Variants in IKBKB-DT observed in about 807,000 individuals in gnomAD.
IKBKB-DT encodes the protein IKBKB antisense RNA.
intron 3 of IKBKB-DT, among the ~76,000 whole-genome samples, chr8:42,258,737 G>C (rs1281523860): frequency 6.6e-6 from 1 of 152,106 alleles, no homozygotes; most frequent in Non-Finnish European, 1.5e-5. Flanking sequence ...CAAAGTGCTG[G>C]AATTACAGAC....
chr8:42,243,811 T>C (rs765133713), intron 3 of IKBKB-DT, among the ~76,000 whole-genome samples: 11 of 152,250 alleles, frequency 7.2e-5, no homozygotes, highest in Non-Finnish European at 1.6e-4. Context: ...AGAGTCTATG[T>C]ATTTGGATAA....
chr8:42,259,303 G>T (rs551851151), intron 3 of IKBKB-DT, among the ~76,000 whole-genome samples: 2 of 152,166 alleles, frequency 1.3e-5, no homozygotes, highest in Non-Finnish European at 2.9e-5. Flanking sequence ...GGGATTACAG[G>T]CATGAGCTAC....
chr8:42,254,937 G>A (rs1235195596), intron 3 of IKBKB-DT, among the ~76,000 whole-genome samples: 1 of 151,810 alleles, frequency 6.6e-6, no homozygotes, highest in Non-Finnish European at 1.5e-5. Context: ...TGCCCTGTCT[G>A]GGAAGTGAGG....
chr8:42,261,344 A>G (rs995128423), intron 3 of IKBKB-DT, among the ~76,000 whole-genome samples: 14 of 152,186 alleles, frequency 9.2e-5, no homozygotes, highest in Non-Finnish European at 1.9e-4. Context: ...TCCAAGAAAT[A>G]TATTTCTTTT....
At chr8:42,268,129 ATTT>A (rs541093630) in intron 1 of IKBKB-DT, among the ~76,000 whole-genome samples, 19 of 130,372 alleles carry the variant, frequency 1.5e-4, no homozygotes, top group African/African-American at 3.6e-4. Flanking sequence ...GTGCTCAATA[ATTT>A]TTTTTTTTTT....
At position 42,258,716 on chromosome 8, in the gene IKBKB-DT, C is replaced by T. The variant is rs912220312; in HGVS notation, n.1529+4613G>A. ...ATCTCCTGACCTGGTGATCCGCCCGCCTCGGCCTCCCAAAGTGCTGGAATT... is the reference window on the plus strand; with the variant it reads ...ATCTCCTGACCTGGTGATCCGCCCGTCTCGGCCTCCCAAAGTGCTGGAATT... On this transcript the variant is annotated intron_variant and non_coding_transcript_variant, in intron 3 of 3. Transcript: ENST00000518213. Among the ~76,000 whole-genome samples, 56 of 152,254 alleles carry T rather than the reference C, an allele frequency of 3.7e-4. 1 individual carries two copies. Among genetic ancestry groups the T allele is most frequent in the Middle Eastern group, 3.4e-3 (1 of 294 alleles).
chr8:42,263,810 GT>G (rs200333960), intron 2 of IKBKB-DT, among the ~76,000 whole-genome samples: 1 of 152,138 alleles, frequency 6.6e-6, no homozygotes, highest in East Asian at 1.9e-4. Context: ...ATGGAGACGC[GT>G]TTTTTTGTTT....
chr8:42,249,412 T>C (rs2129915242), intron 3 of IKBKB-DT: 1 of 147,882 alleles, frequency 6.8e-6, no homozygotes, highest in Admixed American at 6.6e-5. Context: ...TATGCATGTA[T>C]ATATATGTGT....
At position 42,268,528 on chromosome 8, in the gene IKBKB-DT, T is replaced by C. The variant is rs550715554; in HGVS notation, n.603+2123A>G. On this transcript the variant is annotated intron_variant and non_coding_transcript_variant, in intron 1 of 3. Transcript: ENST00000518213. ...TCAAGTGATCTGCCTGCCTCGGCCTTCCAAAGTGCTGAGATTACAGGGGTG... is the reference window on the plus strand; with the variant it reads ...TCAAGTGATCTGCCTGCCTCGGCCTCCCAAAGTGCTGAGATTACAGGGGTG... Among the ~76,000 whole-genome samples, 9 of 148,886 alleles carry C rather than the reference T, an allele frequency of 6.0e-5. No homozygotes were observed. In the South Asian group the frequency reaches 8.6e-4, roughly 14 times the overall value.
intron 3 of IKBKB-DT, among the ~76,000 whole-genome samples, chr8:42,243,262 C>T (rs1807025607): frequency 6.6e-6 from 1 of 152,164 alleles, no homozygotes; most frequent in African/African-American, 2.4e-5. Context: ...CATGCAGCCT[C>T]CTGGTGGGTG....
At chr8:42,238,024 C>CAAAAAAA (rs35087510) in intron 3 of IKBKB-DT, among the ~76,000 whole-genome samples, 15 of 35,254 alleles carry the variant, frequency 4.3e-4, no homozygotes, top group African/African-American at 7.1e-4. Flanking sequence ...GGCCCTCTCT[C>CAAAAAAA]AAAAAAAAAA....
Position 42,255,895 on chromosome 8 carries a change from G to A in IKBKB-DT, n.1529+7434C>T, listed in dbSNP as rs542088177. Among the ~76,000 whole-genome samples, 4 of 151,870 alleles carry A rather than the reference G, an allele frequency of 2.6e-5. No individual in the cohort carries two copies. In the East Asian group the frequency reaches 5.8e-4, roughly 22 times the overall value. On this transcript the variant is annotated intron_variant and non_coding_transcript_variant, in intron 3 of 3. Transcript: ENST00000518213. ...AAAAAAATTAGTCAGGAGTGGTGGC[G>A]GGCACCTGTAATCCCAGGTATTTGG...
chr8:42,258,796 G>A (rs896482615), intron 3 of IKBKB-DT, among the ~76,000 whole-genome samples: 4 of 151,766 alleles, frequency 2.6e-5, no homozygotes, highest in African/African-American at 4.8e-5. Context: ...CAGAAATCCC[G>A]TATCCTATTT....
intron 3 of IKBKB-DT, chr8:42,255,628 T>A (rs1398147858): frequency 6.6e-6 from 1 of 152,224 alleles, no homozygotes; most frequent in Non-Finnish European, 1.5e-5. Flanking sequence ...GATTATATGT[T>A]CATTTTCATA....
intron 3 of IKBKB-DT, among the ~76,000 whole-genome samples, chr8:42,256,165 G>A (rs545856724): frequency 5.3e-5 from 8 of 152,176 alleles, no homozygotes; most frequent in Admixed American, 3.3e-4. Context: ...TTCTGTTTAC[G>A]AAGGTATAAT....
intron 2 of IKBKB-DT, among the ~76,000 whole-genome samples, chr8:42,264,689 G>C (rs1421682622): frequency 6.6e-6 from 1 of 151,856 alleles, no homozygotes; most frequent in Non-Finnish European, 1.5e-5. Context: ...CTCCCAAGTA[G>C]CTGGGATTAC....
intron 3 of IKBKB-DT, among the ~76,000 whole-genome samples, chr8:42,255,950 C>G (rs140790917): frequency 6.6e-6 from 1 of 150,628 alleles, no homozygotes; most frequent in South Asian, 2.1e-4. Context: ...CGCTTGAACC[C>G]GGGAGGTGGA....
intron 3 of IKBKB-DT, among the ~76,000 whole-genome samples, chr8:42,242,084 G>A (rs1807011564): frequency 6.6e-6 from 1 of 152,066 alleles, no homozygotes; most frequent in South Asian, 2.1e-4. Context: ...GCATGTTGGT[G>A]CGCGCCTGTA....
At chr8:42,248,262 G>A (rs1358092331) in intron 3 of IKBKB-DT, among the ~76,000 whole-genome samples, 1 of 152,034 alleles carries the variant, frequency 6.6e-6, no homozygotes, top group Non-Finnish European at 1.5e-5. Context: ...AATATAGGTG[G>A]TAATGCTCGC....
Sources: gnomAD v4.1 joint callset for allele counts (sites outside exome capture counted in the v4.1 genomes callset) on GRCh38, gnomAD v4.1.1 for gene constraint, MANE v1.5 for transcripts, NCBI Gene and HGNC (gene_info 2026-07-23, HGNC 2026-07-21) for gene names.